Variants in NEGR1 observed in about 807,000 individuals in gnomAD.
NEGR1 encodes the protein IgLON family member 4.
A neutral mutation model predicts 40.9 loss-of-function variants in NEGR1; 10 were observed. The ratio of observed to expected loss-of-function variants is 0.24; its 90% CI spans 0.15 to 0.42. The LOEUF (loss-of-function observed/expected upper bound fraction) is 0.42, where lower values mean the gene tolerates loss of function less well. Among genes scored for constraint, NEGR1 ranks in the 10% least tolerant of loss-of-function variants. The pLI is 1.00. For missense variants in NEGR1, 352 were observed against 438.9 expected, an observed-to-expected ratio of 0.80 and a Z score of 1.77; for synonymous variants, 185 against 166.8, an observed-to-expected ratio of 1.11 and a Z score of -0.84.
chr1:72,216,582 T>C (rs1283234207), intron 1 of NEGR1, among the ~76,000 whole-genome samples: 1 of 150,912 alleles, frequency 6.6e-6, no homozygotes, highest in African/African-American at 2.4e-5. Context: ...TGTGGCCAAT[T>C]AGGATTTACC....
At chr1:72,050,885 G>T (rs745686652) in intron 1 of NEGR1, among the ~76,000 whole-genome samples, 4 of 151,466 alleles carry the variant, frequency 2.6e-5, no homozygotes, top group East Asian at 1.9e-4. Context: ...ACTTAGAGTA[G>T]AACAGAAGTT....
chr1:72,140,816 T>C (rs1163882182), intron 1 of NEGR1, among the ~76,000 whole-genome samples: 1 of 151,988 alleles, frequency 6.6e-6, no homozygotes, highest in Non-Finnish European at 1.5e-5. Flanking sequence ...AATTATTATA[T>C]TTAATTAAGG....
chr1:72,274,823 G>A, intron 1 of NEGR1: 1 of 1,517,636 alleles, frequency 6.6e-7, no homozygotes, highest in East Asian at 2.3e-5. Context: ...CAGGTGATCA[G>A]AGTTATTTGC....
intron 2 of NEGR1, among the ~76,000 whole-genome samples, chr1:71,877,485 T>C (rs1346343352): frequency 6.6e-6 from 1 of 152,176 alleles, no homozygotes; most frequent in East Asian, 1.9e-4. Context: ...CCTCTGTGTT[T>C]GTGTCTGACC....
chr1:71,943,056 A>G (rs59359095), intron 1 of NEGR1, among the ~76,000 whole-genome samples: 1 of 131,078 alleles, frequency 7.6e-6, no homozygotes, highest in Non-Finnish European at 1.7e-5. Flanking sequence ...GTGTATATAT[A>G]TGTGTGTGTA....
At chr1:71,782,736 A>G (rs545755468) in intron 2 of NEGR1, among the ~76,000 whole-genome samples, 2 of 152,202 alleles carry the variant, frequency 1.3e-5, no homozygotes, top group Non-Finnish European at 2.9e-5. Flanking sequence ...GAATCACATA[A>G]TATAAGTTCT....
chr1:71,815,878 A>T (rs1658187305), intron 2 of NEGR1, among the ~76,000 whole-genome samples: 1 of 152,088 alleles, frequency 6.6e-6, no homozygotes, highest in African/African-American at 2.4e-5. Flanking sequence ...GATCACTGAT[A>T]AACTGGATCA....
chr1:71,419,913 AG>A (rs1478919823), intron 6 of NEGR1, among the ~76,000 whole-genome samples: 6 of 151,832 alleles, frequency 4.0e-5, no homozygotes, highest in African/African-American at 1.2e-4. Flanking sequence ...AAGGATGAAA[AG>A]AAAAAAAAAA....
chr1:71,651,082 C>T (rs546584601), intron 4 of NEGR1, among the ~76,000 whole-genome samples: 5 of 152,064 alleles, frequency 3.3e-5, no homozygotes, highest in South Asian at 2.1e-4. Context: ...GTACCTGACA[C>T]GTATTAGGAA....
intron 2 of NEGR1, among the ~76,000 whole-genome samples, chr1:71,926,503 G>T (rs1645774427): frequency 6.6e-6 from 1 of 151,628 alleles, no homozygotes; most frequent in African/African-American, 2.4e-5. Flanking sequence ...TTCCTTGCTG[G>T]TATAATTTCC....
intron 1 of NEGR1, among the ~76,000 whole-genome samples, chr1:72,244,791 C>A (rs1012462023): frequency 4.0e-5 from 6 of 151,880 alleles, no homozygotes; most frequent in East Asian, 1.9e-4. Context: ...TTTAATATAT[C>A]GAATTGTTCA....
chr1:71,990,068 C>G (rs1646436255), intron 1 of NEGR1, among the ~76,000 whole-genome samples: 1 of 152,074 alleles, frequency 6.6e-6, no homozygotes, highest in Admixed American at 6.5e-5. Flanking sequence ...ACTTTTCTTT[C>G]TGTATAAAAT....
At chr1:71,810,808 T>C (rs1397218892) in intron 2 of NEGR1, among the ~76,000 whole-genome samples, 2 of 152,108 alleles carry the variant, frequency 1.3e-5, no homozygotes, top group Non-Finnish European at 2.9e-5. Context: ...CCTTCCACCA[T>C]GATGGTAAGT....
Position 71,698,039 on chromosome 1 carries a change from T to C in NEGR1, c.636A>G (p.Pro212=). 1 of 1,611,548 alleles carries C rather than the reference T, an allele frequency of 6.2e-7. No homozygotes were observed. Among genetic ancestry groups the C allele is most frequent in the Non-Finnish European group, 8.5e-7 (1 of 1,178,238 alleles). Residue 212 remains proline (P), a synonymous_variant, in exon 4 of 7, where the codon CCA becomes CCG. Transcript: ENST00000357731. ...ECSAENDVSF[P]DVRKVKVVVN... ...CAACAACTTTTACTTTCCTCACATC[T>C]GGGAATGACACATCATTTTCCGCAC...
chr1:71,629,359 A>G (rs1650897312), intron 4 of NEGR1, among the ~76,000 whole-genome samples: 1 of 151,870 alleles, frequency 6.6e-6, no homozygotes, highest in Admixed American at 6.6e-5. Flanking sequence ...GATTCTTCCT[A>G]TCCATGAGCA....
At chr1:72,214,850 GA>G (rs151146422) in intron 1 of NEGR1, among the ~76,000 whole-genome samples, 30,972 of 142,536 alleles carry the variant, frequency 0.22, 3,415 homozygotes, top group African/African-American at 0.28. Context: ...CAGAATTAGC[GA>G]AAAAAAAAAA....
chr1:72,109,978 C>T (rs916873358), intron 1 of NEGR1, among the ~76,000 whole-genome samples: 2 of 151,504 alleles, frequency 1.3e-5, no homozygotes, highest in African/African-American at 4.8e-5. Context: ...ATTTAGGAAT[C>T]CACAGTGTAG....
Position 72,167,505 on chromosome 1 carries a change from T to C in NEGR1, c.176+114814A>G, listed in dbSNP as rs186160924. Among the ~76,000 whole-genome samples the C allele has an allele frequency of 6.9e-3, 1,052 of 152,214 alleles. 9 individuals carry two copies. Among genetic ancestry groups the C allele is most frequent in the African/African-American group, 0.024 (985 of 41,558 alleles). On this transcript the variant is annotated intron_variant, in intron 1 of 6. Coordinates refer to ENST00000357731, the MANE Select transcript of NEGR1 (RefSeq NM_173808.3). ...TTTTATTAGTAAAACAAAGAAATCA[T>C]ATATAGTGTTATATAACATATGAGT...
At chr1:72,068,258 G>C (rs1001307513) in intron 1 of NEGR1, among the ~76,000 whole-genome samples, 1 of 152,092 alleles carries the variant, frequency 6.6e-6, no homozygotes, top group Non-Finnish European at 1.5e-5. Flanking sequence ...ACTAAGAAGT[G>C]GACACCACAT....
Sources: gnomAD v4.1 joint callset for allele counts (sites outside exome capture counted in the v4.1 genomes callset) on GRCh38, gnomAD v4.1.1 for gene constraint, MANE v1.5 for transcripts, NCBI Gene and HGNC (gene_info 2026-07-23, HGNC 2026-07-21) for gene names.